DYNC2H1: variants seen among roughly 807,000 people sequenced by gnomAD.
The protein encoded by DYNC2H1 is cytoplasmic dynein 2 heavy chain 1.
Under a neutral mutation model 570.0 loss-of-function variants are expected in DYNC2H1, and 410 were observed. The ratio of observed to expected loss-of-function variants is 0.72; its 90% CI spans 0.66 to 0.78. The LOEUF (loss-of-function observed/expected upper bound fraction) is 0.78. Among genes scored for constraint, DYNC2H1 ranks in the 30% least tolerant of loss-of-function variants. DYNC2H1 has a pLI of 0.00. For missense variants in DYNC2H1, 4,865 were observed against 5,046.4 expected (o/e 0.96, Z 1.09); for synonymous variants, 1,688 against 1,677.6 (o/e 1.01, Z -0.15).
chr11:103,346,659 GTTA>G (rs1169339617), intron 82 of DYNC2H1, among the ~76,000 whole-genome samples: 5 of 151,984 alleles, frequency 3.3e-5, no homozygotes, highest in Admixed American at 6.6e-5. Context: ...CTTTTATTAG[GTTA>G]TTATTTAGTA....
chr11:103,140,202 A>C (rs1859825938), intron 17 of DYNC2H1, among the ~76,000 whole-genome samples: 1 of 150,586 alleles, frequency 6.6e-6, no homozygotes, highest in African/African-American at 2.4e-5. Flanking sequence ...TTGTGTCTTT[A>C]ATATTCACAT....
intron 82 of DYNC2H1, among the ~76,000 whole-genome samples, chr11:103,346,495 T>G (rs893882180): frequency 3.3e-5 from 5 of 152,200 alleles, no homozygotes; most frequent in Non-Finnish European, 5.9e-5. Flanking sequence ...CTTTTCATAT[T>G]TTGAGTTCTA....
chr11:103,217,582 A>G (rs145007059), intron 55 of DYNC2H1, among the ~76,000 whole-genome samples: 152 of 152,314 alleles, frequency 1.0e-3, no homozygotes, highest in Non-Finnish European at 1.5e-3. Flanking sequence ...ACAAAAATTT[A>G]CACAGTGTGG....
Position 103,152,392 on chromosome 11 carries a change from G to C in DYNC2H1, c.3096+107G>C. 2.7e-6 allele frequency: 3 copies of C among 1,101,552 alleles called. No individual in the cohort carries two copies. The South Asian group carries it at 5.2e-5, about 19-fold the overall frequency. 68.2% of individuals were successfully genotyped at this position (1,101,552 alleles called of 1,614,324 possible). On this transcript the variant is annotated intron_variant, in intron 21 of 88. Coordinates refer to ENST00000375735, the MANE Select transcript of DYNC2H1 (RefSeq NM_001377.3). Reference sequence around the variant, plus strand: ...CCCAGGTTTATAATAATTTAATGTGGCTGTTGAAATTGACCTCCCTGACTA... The same window carrying C: ...CCCAGGTTTATAATAATTTAATGTGCCTGTTGAAATTGACCTCCCTGACTA...
At chr11:103,142,532 G>A (rs2134825791) in intron 17 of DYNC2H1, among the ~76,000 whole-genome samples, 1 of 152,194 alleles carries the variant, frequency 6.6e-6, no homozygotes, top group African/African-American at 2.4e-5. Flanking sequence ...ATCTGGGCAT[G>A]GTGGTGGTCA....
chr11:103,471,090 T>A (rs527730931), intron 88 of DYNC2H1, among the ~76,000 whole-genome samples: 1 of 152,344 alleles, frequency 6.6e-6, no homozygotes, highest in East Asian at 1.9e-4. Context: ...GTTTCCTGAC[T>A]TTTTAATGAT....
intron 84 of DYNC2H1, among the ~76,000 whole-genome samples, chr11:103,419,796 G>A (rs1209418164): frequency 6.6e-6 from 1 of 152,124 alleles, no homozygotes; most frequent in African/African-American, 2.4e-5. Flanking sequence ...TGGCGGAATT[G>A]ACAGAAGTAG....
intron 84 of DYNC2H1, among the ~76,000 whole-genome samples, chr11:103,427,329 A>G (rs1363481956): frequency 6.6e-6 from 1 of 152,174 alleles, no homozygotes; most frequent in East Asian, 1.9e-4. Flanking sequence ...TATACATTCA[A>G]TGTAGTTTTA....
chr11:103,159,724 A>G (rs1861001893), intron 28 of DYNC2H1, among the ~76,000 whole-genome samples: 1 of 152,166 alleles, frequency 6.6e-6, no homozygotes, highest in South Asian at 2.1e-4. Context: ...CTATAGAGCA[A>G]ACAGCTCTAT....
At chr11:103,412,094 T>G (rs1420292572) in intron 84 of DYNC2H1, among the ~76,000 whole-genome samples, 1 of 152,150 alleles carries the variant, frequency 6.6e-6, no homozygotes, top group Admixed American at 6.6e-5. Flanking sequence ...CTAATGAGTT[T>G]TAACAAAAAC....
chr11:103,459,079 G>T (rs1944900998), intron 87 of DYNC2H1, among the ~76,000 whole-genome samples: 1 of 151,536 alleles, frequency 6.6e-6, no homozygotes. Flanking sequence ...GGAGGCCGAG[G>T]CGGGCGGATC....
intron 84 of DYNC2H1, among the ~76,000 whole-genome samples, chr11:103,401,303 C>A (rs1321250594): frequency 1.3e-5 from 2 of 152,070 alleles, no homozygotes; most frequent in Non-Finnish European, 2.9e-5. Context: ...GAGTATATTT[C>A]TTTATCCAAC....
intron 61 of DYNC2H1, among the ~76,000 whole-genome samples, chr11:103,234,738 A>G (rs1187264215): frequency 6.6e-6 from 1 of 151,890 alleles, no homozygotes; most frequent in Non-Finnish European, 1.5e-5. Flanking sequence ...GACCAGAGCT[A>G]CATTTCCAGA....
At chr11:103,215,927 A>G (rs1863365717) in intron 55 of DYNC2H1, 69 bp downstream of exon 55, 1 of 1,530,036 alleles carries the variant, frequency 6.5e-7, no homozygotes, top group African/African-American at 1.4e-5. Context: ...GTCAGTGAAA[A>G]ATAACATTTT....
In DYNC2H1 at chr11:103,186,224, C is replaced by G. The variant is rs889713835; in HGVS notation, c.6634-18C>G. The G allele has an allele frequency of 6.2e-7, 1 of 1,600,388 alleles. No homozygotes were observed. Among genetic ancestry groups the G allele is most frequent in the South Asian group, 1.1e-5 (1 of 90,024 alleles). ...CTCTGGAGTATGTGAAAACTTATCACAATTTTTTCCTCTTAAGGTTTTTCA... is the reference window on the plus strand; with the variant it reads ...CTCTGGAGTATGTGAAAACTTATCAGAATTTTTTCCTCTTAAGGTTTTTCA... On this transcript the variant is annotated intron_variant, in intron 41 of 88. Coordinates refer to ENST00000375735, the MANE Select transcript of DYNC2H1 (RefSeq NM_001377.3). The surrounding 1 kb of genome is among the most constrained non-coding windows in gnomAD (Gnocchi z 4.5).
chr11:103,312,801 C>T (rs1467003694), intron 79 of DYNC2H1, among the ~76,000 whole-genome samples: 1 of 152,028 alleles, frequency 6.6e-6, no homozygotes, highest in Non-Finnish European at 1.5e-5. Context: ...CTAGACGTCT[C>T]AAACTTCAAA....
At chr11:103,311,826 T>C in intron 78 of DYNC2H1, 52 bp from the exon 79 acceptor site, 2 of 1,498,824 alleles carry the variant, frequency 1.3e-6, no homozygotes, top group South Asian at 1.3e-5. Context: ...AAATCTAATA[T>C]ATTTTACTTG....
chr11:103,449,116 A>G (rs1378498806), intron 85 of DYNC2H1, among the ~76,000 whole-genome samples: 1 of 152,208 alleles, frequency 6.6e-6, no homozygotes, highest in African/African-American at 2.4e-5. Flanking sequence ...AGAGAGTTTC[A>G]GGCAGAGGGA....
chr11:103,119,849 A>G, intron 6 of DYNC2H1, among the ~76,000 whole-genome samples: 1 of 152,258 alleles, frequency 6.6e-6, no homozygotes. Flanking sequence ...AACTGCTAAC[A>G]GGTAAATTTT....
Sources: gnomAD v4.1 joint callset for allele counts (sites outside exome capture counted in the v4.1 genomes callset) on GRCh38, gnomAD v4.1.1 for gene constraint, Gnocchi (gnomAD v3.1) non-coding constraint, MANE v1.5 for transcripts, NCBI Gene and HGNC (gene_info 2026-07-23, HGNC 2026-07-21) for gene names.